The following PCLO variants were observed in gnomAD, a reference collection of about 807,000 sequenced individuals.
PCLO encodes protein piccolo.
A neutral mutation model predicts 427.5 loss-of-function variants in PCLO; 82 were observed. The observed-to-expected ratio is 0.19, with a 90% CI of 0.16 to 0.23. The LOEUF is 0.23. Among genes scored for constraint, PCLO ranks in the 10% least tolerant of loss-of-function variants. The probability of loss-of-function intolerance (pLI) is 1.00; values close to 1 mark genes in which losing one functional copy is unlikely to be tolerated. For synonymous variants in PCLO, 2,357 were observed against 2,155.4 expected, an observed-to-expected ratio of 1.09 and a Z score of -2.59; for missense variants, 6,239 against 6,115.9, an observed-to-expected ratio of 1.02 and a Z score of -0.67.
chr7:82,774,194 T>A (rs141614690), intron 22 of PCLO, among the ~76,000 whole-genome samples: 237 of 152,294 alleles, frequency 1.6e-3, no homozygotes, highest in African/African-American at 5.4e-3. Context: ...CTTGAACATG[T>A]CAGCTGATTC....
intron 3 of PCLO, among the ~76,000 whole-genome samples, chr7:83,132,129 G>A (rs1200733365): frequency 1.3e-5 from 2 of 152,082 alleles, no homozygotes; most frequent in East Asian, 3.9e-4. Context: ...CTGATGCCAA[G>A]TGAACTTTAC....
chr7:82,762,094 G>A (rs1039232472), intron 22 of PCLO, among the ~76,000 whole-genome samples: 19 of 152,044 alleles, frequency 1.2e-4, no homozygotes, highest in African/African-American at 1.7e-4. Context: ...CAAAACGTGC[G>A]TGCTTATTGG....
chr7:82,873,304 C>CA (rs1793285905), intron 10 of PCLO, among the ~76,000 whole-genome samples: 1 of 151,450 alleles, frequency 6.6e-6, no homozygotes, highest in South Asian at 2.1e-4. Context: ...ATCCCCCATC[C>CA]ACACTCCCGT....
In PCLO at chr7:82,838,150, T is replaced by C. The variant is rs1462563636; in HGVS notation, c.14222+68A>G. On this transcript the variant is annotated intron_variant, in intron 15 of 24. Coordinates refer to ENST00000333891, the MANE Select transcript of PCLO (RefSeq NM_033026.6). ...AGTCAATTAAAATGAGGTGTGGAAA[T>C]TAAAGAGTAGAAAATACTATACTAT... 23 of 1,097,326 alleles carry C rather than the reference T, an allele frequency of 2.1e-5. No homozygotes were observed. The East Asian group carries it at 5.3e-4, about 25-fold the overall frequency. 68.0% of individuals were successfully genotyped at this position (1,097,326 alleles called of 1,614,324 possible).
intron 20 of PCLO, among the ~76,000 whole-genome samples, chr7:82,818,683 C>T (rs992418324): frequency 1.3e-5 from 2 of 152,138 alleles, no homozygotes; most frequent in Non-Finnish European, 2.9e-5. Context: ...TTATATTTGT[C>T]GGTTCTGAAA....
At chr7:83,077,109 A>G (rs1274460131) in intron 3 of PCLO, among the ~76,000 whole-genome samples, 8 of 152,150 alleles carry the variant, frequency 5.3e-5, no homozygotes, top group Non-Finnish European at 2.9e-5. Context: ...TTTGACTAAA[A>G]TATGACTATA....
Position 83,162,701 on chromosome 7 carries a change from G to C in PCLO, c.-109C>G. The C allele has an allele frequency of 7.3e-7, 1 of 1,371,226 alleles. No homozygotes were observed. The allele number at this position is 1,371,226 out of a possible 1,614,324, so 84.9% of individuals were successfully genotyped here. On this transcript the variant is annotated 5_prime_UTR_variant, in exon 1 of 25. Transcript: ENST00000333891. ...GCCGGGGTCCGCCTCGGGGCGTGCA[G>C]GCAGCCGAGTCCCTGGACTCTGGAC...
chr7:82,938,062 AG>A (rs2116368032), intron 6 of PCLO, among the ~76,000 whole-genome samples: 2 of 152,044 alleles, frequency 1.3e-5, no homozygotes, highest in South Asian at 4.1e-4. Context: ...GACATTTAAG[AG>A]TCACAGCTTT....
rs560060666 is a variant in PCLO at position 82,822,823 on chromosome 7, G to A, written c.14597-134C>T. 4.1e-6 allele frequency: 3 copies of A among 740,020 alleles called. No homozygotes were observed. The Admixed American group carries it at 6.8e-5, about 17-fold the overall frequency. The allele number at this position is 740,020 out of a possible 1,614,324, so 45.8% of individuals were successfully genotyped here. On this transcript the variant is annotated intron_variant, in intron 19 of 24. Transcript: ENST00000333891. ...CTTATATGATTCATTTATGCAACTG[G>A]TCATCATACAGAATGATGATTAAAC...
At chr7:83,046,898 AT>A (rs1205614303) in intron 3 of PCLO, among the ~76,000 whole-genome samples, 2 of 152,022 alleles carry the variant, frequency 1.3e-5, no homozygotes, top group African/African-American at 4.8e-5. Context: ...AGAAGCAAGA[AT>A]TTTAAAAGTA....
chr7:83,026,868 C>G (rs946160002), intron 3 of PCLO, among the ~76,000 whole-genome samples: 62 of 145,292 alleles, frequency 4.3e-4, no homozygotes, highest in African/African-American at 1.3e-3. Flanking sequence ...GGGTACATAA[C>G]GAAATGAAGG....
chr7:82,907,366 G>T (rs2116222399), intron 8 of PCLO, among the ~76,000 whole-genome samples: 1 of 151,858 alleles, frequency 6.6e-6, no homozygotes, highest in South Asian at 2.1e-4. Flanking sequence ...AATGAGATGG[G>T]GAAGACATAA....
intron 12 of PCLO, among the ~76,000 whole-genome samples, chr7:82,845,769 A>C (rs1792485760): frequency 6.6e-6 from 1 of 152,180 alleles, no homozygotes; most frequent in African/African-American, 2.4e-5. Flanking sequence ...TGTTTGAATG[A>C]TGCAATATCC....
At chr7:82,921,484 G>T (rs914947159) in intron 6 of PCLO, among the ~76,000 whole-genome samples, 2 of 151,732 alleles carry the variant, frequency 1.3e-5, no homozygotes, top group Non-Finnish European at 3.0e-5. Context: ...GACAATAACT[G>T]GCAAAGGAGA....
chr7:83,108,721 T>C (rs973658142), intron 3 of PCLO, among the ~76,000 whole-genome samples: 1 of 151,960 alleles, frequency 6.6e-6, no homozygotes, highest in Admixed American at 6.6e-5. Flanking sequence ...TTTTTTTACC[T>C]GGGTCAGGAT....
chr7:82,844,328 G>C lies in PCLO; in HGVS notation c.14046+943C>G, dbSNP rs186291480. 1.2e-4 allele frequency among the ~76,000 whole-genome samples: 18 copies of C among 152,202 alleles called. No individual in the cohort carries two copies. In the East Asian group the frequency reaches 3.3e-3, roughly 28 times the overall value. ...TTTAAAATTTAGCCTAACTGCCTTT[G>C]AAATTACTTTGCTTATGAAGCTTTT... On this transcript the variant is annotated intron_variant, in intron 13 of 24. Transcript: ENST00000333891.
At chr7:83,139,349 A>G (rs1167504801) in intron 2 of PCLO, among the ~76,000 whole-genome samples, 1 of 152,150 alleles carries the variant, frequency 6.6e-6, no homozygotes, top group Non-Finnish European at 1.5e-5. Flanking sequence ...TGGTTTCATT[A>G]GTAAAATTCT....
In PCLO at chr7:82,916,222, A is replaced by G. The variant is rs779989969; in HGVS notation, c.11764T>C (p.Tyr3922His). The G allele has an allele frequency of 1.2e-6, 2 of 1,613,652 alleles. No homozygotes were observed. The highest frequency in any genetic ancestry group is 1.7e-6 in the Non-Finnish European group (2 of 1,179,696). ...GCTTGGAATGTTGGCTGAGTCTGAT[A>G]AGGTGAAACTTGCTGATGGTACAAA... is the stretch of plus-strand genomic sequence containing the variant. Reference protein sequence around the residue: ...QTLYHQQVSPYQTQPTFQAVA... With the variant: ...QTLYHQQVSPHQTQPTFQAVA... Residue 3922 changes from tyrosine to histidine, a missense_variant, in exon 7 of 25, where the codon TAT (tyrosine) becomes CAT (histidine). By Grantham distance (83) the Tyr-to-His change is moderately conservative. Coordinates refer to ENST00000333891, the MANE Select transcript of PCLO (RefSeq NM_033026.6).
intron 3 of PCLO, among the ~76,000 whole-genome samples, chr7:83,113,507 G>C (rs977612159): frequency 2.9e-4 from 44 of 152,098 alleles, no homozygotes; most frequent in African/African-American, 1.0e-3. Flanking sequence ...GGCATAACAG[G>C]AAAAAGCAAG....
Sources: allele counts gnomAD v4.1 joint callset (sites outside exome capture counted in the v4.1 genomes callset), GRCh38; gene constraint gnomAD v4.1.1; transcripts MANE v1.5; gene names NCBI Gene and HGNC (gene_info 2026-07-23, HGNC 2026-07-21).